VCPKMT: variants seen among roughly 807,000 people sequenced by gnomAD.
VCPKMT encodes the protein protein N-lysine methyltransferase METTL21D.
Under a neutral mutation model 28.6 loss-of-function variants are expected in VCPKMT, and 32 were observed. The observed-to-expected ratio is 1.12, with a 90% CI of 0.84 to 1.50. The LOEUF (loss-of-function observed/expected upper bound fraction) is 1.50, where lower values mean the gene tolerates loss of function less well. Among genes scored for constraint, VCPKMT ranks in the 40% most tolerant of loss-of-function variants. VCPKMT has a pLI of 0.00. For missense variants in VCPKMT, 366 were observed against 285.0 expected (o/e 1.28, Z -2.05); for synonymous variants, 138 against 111.4 (o/e 1.24, Z -1.50).
downstream of VCPKMT, among the ~76,000 whole-genome samples, chr14:50,106,904 GAAA>G (rs1274413213): frequency 6.6e-6 from 1 of 152,156 alleles, no homozygotes; most frequent in Non-Finnish European, 1.5e-5. Flanking sequence ...ATGTTTTGTA[GAAA>G]CAGGGTCTTG....
chr14:50,105,645 C>T (rs1185366271), downstream of VCPKMT, among the ~76,000 whole-genome samples: 1 of 152,072 alleles, frequency 6.6e-6, no homozygotes, highest in Non-Finnish European at 1.5e-5. Context: ...CAAAACAAAA[C>T]AACAAAAAAC....
downstream of VCPKMT, among the ~76,000 whole-genome samples, chr14:50,107,319 C>CTT (rs772286873): frequency 4.1e-5 from 6 of 145,778 alleles, no homozygotes; most frequent in Admixed American, 6.9e-5. Context: ...TCCTATTTGA[C>CTT]TTTTTTTTTT....
chr14:50,104,518 G>A (rs1407509551), downstream of VCPKMT, among the ~76,000 whole-genome samples: 2 of 152,070 alleles, frequency 1.3e-5, no homozygotes, highest in Non-Finnish European at 1.5e-5. Flanking sequence ...TATGAAAACT[G>A]AATATTCTCC....
chr14:50,114,263 T>A (rs762802385), intron 4 of VCPKMT, 22 bp downstream of exon 4: 1 of 1,537,042 alleles, frequency 6.5e-7, no homozygotes. Context: ...ACTACAAAGA[T>A]AATAGAGTAC....
At position 50,108,686 on chromosome 14, in the gene VCPKMT, A is replaced by G. The variant is rs1286433748; in HGVS notation, c.*1013T>C. On this transcript the variant is annotated 3_prime_UTR_variant, in exon 6 of 6. Transcript: ENST00000395860. ...CACATAAAATGTACCATCTAGCACC[A>G]ATGCCTATAAATACCAGAATTCCAT... 4 of 985,866 alleles carry G rather than the reference A, an allele frequency of 4.1e-6. No homozygotes were observed. The highest frequency in any genetic ancestry group is 4.8e-6 in the Non-Finnish European group (4 of 829,916). The allele number at this position is 985,866 out of a possible 1,614,324, so 61.1% of individuals were successfully genotyped here. A position where few individuals can be genotyped will look rare whatever the true frequency, so the allele number is the denominator to read the frequency against.
intron 4 of VCPKMT, 117 bp downstream of exon 4, chr14:50,114,168 G>C: frequency 9.8e-7 from 1 of 1,020,040 alleles, no homozygotes; most frequent in African/African-American, 1.7e-5. Context: ...CCTTTCCTCA[G>C]CTTCACACAA....
At chr14:50,114,722 C>T (rs760601646) in intron 3 of VCPKMT, among the ~76,000 whole-genome samples, 5 of 152,188 alleles carry the variant, frequency 3.3e-5, no homozygotes, top group Non-Finnish European at 5.9e-5. Context: ...TGCTGGTGCA[C>T]ACCTATAGTC....
chr14:50,116,201 G>A (rs1883186896), intron 1 of VCPKMT, 22 bp from the exon 2 acceptor site: 1 of 1,613,864 alleles, frequency 6.2e-7, no homozygotes, highest in Non-Finnish European at 8.5e-7. Flanking sequence ...CGTCGACTGA[G>A]GTGTAGGCAC....
At chr14:50,108,618 G>C (rs534339019), downstream of VCPKMT, 2 of 985,684 alleles carry the variant, frequency 2.0e-6, no homozygotes, top group Non-Finnish European at 2.4e-6. Context: ...AGGTATTTCT[G>C]AAATTCACAG....
chr14:50,105,984 T>G (rs1216471654), downstream of VCPKMT, among the ~76,000 whole-genome samples: 3 of 152,212 alleles, frequency 2.0e-5, no homozygotes, highest in African/African-American at 7.2e-5. Flanking sequence ...TTCCAAGTGG[T>G]TTTTTGTCCG....
chr14:50,116,080 C>T lies in VCPKMT; in HGVS notation c.366G>A (p.Lys122=), dbSNP rs1256514615. 1 of 1,611,930 alleles carries T rather than the reference C, an allele frequency of 6.2e-7. No individual in the cohort carries two copies. Among genetic ancestry groups the T allele is most frequent in the Non-Finnish European group, 8.5e-7 (1 of 1,178,928 alleles). Reference sequence around the variant, plus strand: ...AAGGCCATACAAACCATTTCAGTACCTTGGCTTGAACAGAACCAGTGACAA... The same window carrying T: ...AAGGCCATACAAACCATTTCAGTACTTTGGCTTGAACAGAACCAGTGACAA... ...KHLVTGSVQA[K]VLKWGEEIEG... is the part of the protein sequence containing the mutation. The change falls in exon 2 of 6, where the codon AAG becomes AAA. Residue 122 remains lysine (K), a synonymous_variant. Transcript: ENST00000395860.
intron 5 of VCPKMT, 67 bp downstream of exon 5, chr14:50,112,548 A>G: frequency 9.9e-7 from 1 of 1,011,112 alleles, no homozygotes; most frequent in Non-Finnish European, 1.5e-6. Context: ...TACCACACAT[A>G]TGCCCTGAAA....
chr14:50,112,618 T>G lies in VCPKMT; in HGVS notation c.672A>C (p.Lys224Asn), dbSNP rs372599326. The G allele has an allele frequency of 4.2e-5, 64 of 1,529,108 alleles. No homozygotes were observed. In the African/African-American group the frequency reaches 8.4e-4, roughly 20 times the overall value. The allele number at this position is 1,529,108 out of a possible 1,614,324, so 94.7% of individuals were successfully genotyped here. A position where few individuals can be genotyped will look rare whatever the true frequency, so the allele number is the denominator to read the frequency against. ...DIHIIYIRKK[K>N]SKFPS ...AAGAACTGAGAATGTTATTTACCGA[T>G]TTTTTCTTTCTGATGTATATAATAT... The change falls in exon 5 of 6, where the codon AAA (lysine) becomes AAC (asparagine). Residue 224 changes from lysine (K) to asparagine (N), a missense_variant. Transcript: ENST00000395860.
In VCPKMT at chr14:50,116,145, G is replaced by C. The variant is rs1203283752; in HGVS notation, c.301C>G (p.Gln101Glu). 3 of 1,614,090 alleles carry C rather than the reference G, an allele frequency of 1.9e-6. No homozygotes were observed. The African/African-American group carries it at 4.0e-5, about 22-fold the overall frequency. The change falls in exon 2 of 6, where the codon CAA becomes GAA. Residue 101 changes from glutamine (Q) to glutamate (E), a missense_variant. Coordinates refer to ENST00000395860, the MANE Select transcript of VCPKMT (RefSeq NM_024558.3). Reference sequence around the variant, plus strand: ...TTAATATTCATCTTCAGCAAGTCTTGCAATTCCTCAAGATCGGTGACTACA... The same window carrying C: ...TTAATATTCATCTTCAGCAAGTCTTCCAATTCCTCAAGATCGGTGACTACA... ...DVVVTDLEEL[Q>E]DLLKMNINMN...
downstream of VCPKMT, among the ~76,000 whole-genome samples, chr14:50,105,837 CTTCTT>C (rs1483287715): frequency 1.3e-5 from 2 of 152,144 alleles, no homozygotes; most frequent in African/African-American, 4.8e-5. Context: ...ATCCCCCTTC[CTTCTT>C]GAGTAGCATC....
downstream of VCPKMT, among the ~76,000 whole-genome samples, chr14:50,107,541 C>T (rs547258626): frequency 8.5e-5 from 13 of 152,158 alleles, no homozygotes; most frequent in South Asian, 1.2e-3. Flanking sequence ...CTCCAACTCC[C>T]GACCTCAGGA....
At position 50,116,560 on chromosome 14, in the gene VCPKMT, G is replaced by A. The variant is rs1444012305; in HGVS notation, c.-8C>T. On this transcript the variant is annotated 5_prime_UTR_variant, in exon 1 of 6. Transcript: ENST00000395860. ...CTCCAGCGTATCCGCCATTGCGCCC[G>A]GCAACAGAAAGCGGCGCGCGCAGGG... 10 of 1,598,670 alleles carry A rather than the reference G, an allele frequency of 6.3e-6. No individual in the cohort carries two copies. Among genetic ancestry groups the A allele is most frequent in the South Asian group, 1.1e-5 (1 of 90,468 alleles).
chr14:50,106,549 T>C (rs1031855644), downstream of VCPKMT: 29 of 985,192 alleles, frequency 2.9e-5, no homozygotes, highest in Admixed American at 1.7e-3. Context: ...GCAGAGTGCA[T>C]CTTCAATACC....
At chr14:50,108,599 T>C, downstream of VCPKMT, 4 of 985,852 alleles carry the variant, frequency 4.1e-6, 1 homozygote, top group South Asian at 1.9e-4. Context: ...AGATGTTCAC[T>C]TTCTTCAAAG....
Sources: allele counts gnomAD v4.1 joint callset (sites outside exome capture counted in the v4.1 genomes callset), GRCh38; gene constraint gnomAD v4.1.1; transcripts MANE v1.5; gene names NCBI Gene and HGNC (gene_info 2026-07-23, HGNC 2026-07-21).